Variants in NEK11 observed in about 807,000 individuals in gnomAD.
NEK11 encodes serine/threonine-protein kinase Nek11.
In NEK11, 72 loss-of-function variants were observed where a neutral mutation model predicts 80.7. The ratio of observed to expected loss-of-function variants is 0.89; its 90% CI spans 0.74 to 1.08. The LOEUF is 1.08. Among genes scored for constraint, NEK11 ranks in the 50% least tolerant of loss-of-function variants. The pLI is 0.00. For missense variants in NEK11, 764 were observed against 763.6 expected, an observed-to-expected ratio of 1.00 and a Z score of -0.01; for synonymous variants, 251 against 260.7, an observed-to-expected ratio of 0.96 and a Z score of 0.36.
chr3:131,339,777 C>T (rs2097257804), intron 17 of NEK11, among the ~76,000 whole-genome samples: 1 of 152,194 alleles, frequency 6.6e-6, no homozygotes, highest in African/African-American at 2.4e-5. Flanking sequence ...CAAGATCCCT[C>T]TCCTGTTACT....
At chr3:131,337,065 C>T (rs1295793780) in intron 17 of NEK11, among the ~76,000 whole-genome samples, 11 of 152,186 alleles carry the variant, frequency 7.2e-5, no homozygotes, top group Non-Finnish European at 1.2e-4. Flanking sequence ...GGCAATTCCT[C>T]AGGCATCTAG....
intron 5 of NEK11, among the ~76,000 whole-genome samples, chr3:131,116,803 G>A (rs1397673176): frequency 2.6e-5 from 4 of 152,118 alleles, no homozygotes; most frequent in African/African-American, 9.7e-5. Context: ...CATATCCTTT[G>A]CCCACTTCTT....
intron 17 of NEK11, among the ~76,000 whole-genome samples, chr3:131,319,289 T>C (rs1261540728): frequency 6.6e-6 from 1 of 152,210 alleles, no homozygotes; most frequent in African/African-American, 2.4e-5. Flanking sequence ...AAAATACTTA[T>C]TAATGCCTAC....
intron 15 of NEK11, among the ~76,000 whole-genome samples, chr3:131,230,981 C>A (rs1457150004): frequency 6.6e-6 from 1 of 152,120 alleles, no homozygotes; most frequent in Admixed American, 6.5e-5. Context: ...CTCTTGCCTG[C>A]AGCCAGGTAA....
intron 17 of NEK11, among the ~76,000 whole-genome samples, chr3:131,323,627 G>A (rs183467653): frequency 2.3e-4 from 35 of 152,290 alleles, no homozygotes; most frequent in Admixed American, 6.5e-5. Context: ...TGAGAAATTC[G>A]TGAAAATCAA....
chr3:131,094,025 T>C (rs535143063), intron 4 of NEK11, among the ~76,000 whole-genome samples: 50 of 148,986 alleles, frequency 3.4e-4, no homozygotes, highest in Non-Finnish European at 7.1e-4. Flanking sequence ...GCTTCCCTAG[T>C]CAGCTTTACC....
chr3:131,259,191 A>G (rs1317064717), intron 16 of NEK11, among the ~76,000 whole-genome samples: 2 of 152,066 alleles, frequency 1.3e-5, no homozygotes, highest in Non-Finnish European at 2.9e-5. Flanking sequence ...AAAGCATTTG[A>G]GGTTGTTCTC....
intron 17 of NEK11, among the ~76,000 whole-genome samples, chr3:131,294,966 T>A (rs2096578354): frequency 6.6e-6 from 1 of 152,204 alleles, no homozygotes; most frequent in South Asian, 2.1e-4. Context: ...TGTGTCTTTA[T>A]ATTTAAAGTG....
At chr3:131,039,925 CA>C (rs2066218782) in intron 3 of NEK11, among the ~76,000 whole-genome samples, 1 of 152,102 alleles carries the variant, frequency 6.6e-6, no homozygotes, top group Admixed American at 6.6e-5. Context: ...GTTTCTTGGT[CA>C]GTTATTCCTA....
intron 7 of NEK11, among the ~76,000 whole-genome samples, chr3:131,143,398 T>A (rs2149714001): frequency 6.6e-6 from 1 of 152,298 alleles, no homozygotes. Flanking sequence ...GTCAAGTAGC[T>A]GTGTGGTTTG....
At chr3:131,285,888 A>G (rs1045022112) in intron 17 of NEK11, among the ~76,000 whole-genome samples, 12 of 152,238 alleles carry the variant, frequency 7.9e-5, no homozygotes, top group African/African-American at 2.9e-4. Flanking sequence ...AATGAGAACA[A>G]TGTGGATTTT....
intron 17 of NEK11, among the ~76,000 whole-genome samples, chr3:131,309,881 C>T (rs1221843276): frequency 2.0e-5 from 3 of 150,058 alleles, no homozygotes; most frequent in Non-Finnish European, 4.4e-5. Context: ...CCCAGCTACT[C>T]AGGAGGCTGA....
At chr3:131,180,848 T>C (rs1192053605) in intron 14 of NEK11, among the ~76,000 whole-genome samples, 1 of 152,218 alleles carries the variant, frequency 6.6e-6, no homozygotes, top group Admixed American at 6.5e-5. Flanking sequence ...GGTTCTTGAA[T>C]CTCTTAATTC....
intron 3 of NEK11, among the ~76,000 whole-genome samples, chr3:131,046,002 T>G (rs2067330618): frequency 6.6e-6 from 1 of 152,318 alleles, no homozygotes; most frequent in Non-Finnish European, 1.5e-5. Context: ...TGAGTTCTTA[T>G]GCATTAGGTG....
At chr3:131,226,536 A>T (rs890986173) in intron 14 of NEK11, among the ~76,000 whole-genome samples, 2 of 152,128 alleles carry the variant, frequency 1.3e-5, no homozygotes, top group Non-Finnish European at 2.9e-5. Flanking sequence ...AGCAACCTGG[A>T]TGGAGCTGGA....
At chr3:131,274,918 G>T (rs1371299258) in intron 17 of NEK11, among the ~76,000 whole-genome samples, 1 of 152,142 alleles carries the variant, frequency 6.6e-6, no homozygotes, top group South Asian at 2.1e-4. Context: ...CTCCCAAAGT[G>T]CTGGGATTAC....
intron 14 of NEK11, chr3:131,174,674 C>T (rs2092904424): frequency 7.6e-7 from 1 of 1,318,182 alleles, no homozygotes; most frequent in South Asian, 1.4e-5. Context: ...CCCCATTTAA[C>T]TTCTTATATG....
intron 11 of NEK11, among the ~76,000 whole-genome samples, 186 bp downstream of exon 11, chr3:131,162,713 A>G (rs77659231): frequency 2.6e-5 from 4 of 152,226 alleles, no homozygotes; most frequent in African/African-American, 7.2e-5. Context: ...GTCAGGTGCT[A>G]TTAATATCAG....
At chr3:131,071,717 GT>G (rs916542727) in intron 3 of NEK11, among the ~76,000 whole-genome samples, 30 of 151,770 alleles carry the variant, frequency 2.0e-4, no homozygotes, top group African/African-American at 7.0e-4. Flanking sequence ...TTGTCCCCCA[GT>G]TTTTTTTCTC....
Sources: allele counts gnomAD v4.1 joint callset (sites outside exome capture counted in the v4.1 genomes callset), GRCh38; gene constraint gnomAD v4.1.1; transcripts MANE v1.5; gene names NCBI Gene and HGNC (gene_info 2026-07-23, HGNC 2026-07-21).